The following GDF7 variants were observed in gnomAD, a reference collection of about 807,000 sequenced individuals.
The protein encoded by GDF7 is growth/differentiation factor 7.
In GDF7, 12 loss-of-function variants were observed where a neutral mutation model predicts 13.4. The ratio of observed to expected loss-of-function variants is 0.90; its 90% CI spans 0.57 to 1.45. The LOEUF is 1.45. GDF7 is among the 40% of genes most tolerant of loss of function. GDF7 has a pLI of 0.00. For synonymous variants in GDF7, 330 were observed against 306.4 expected (o/e 1.08, Z -0.80); for missense variants, 651 against 652.4 (o/e 1.00, Z 0.02).
intron 1 of GDF7, among the ~76,000 whole-genome samples, chr2:20,670,143 C>T (rs1047334101): frequency 6.6e-6 from 1 of 152,174 alleles, no homozygotes; most frequent in Non-Finnish European, 1.5e-5. Context: ...GCCTGCAGTC[C>T]TGGTCTTGGG....
rs953524501 is a variant in GDF7, at chr2:20,673,198, A to C, written c.*1773A>C. 1 of 101,544 alleles carries C rather than the reference A, an allele frequency of 9.8e-6. No individual in the cohort carries two copies. Among genetic ancestry groups the C allele is most frequent in the Non-Finnish European group, 2.1e-5 (1 of 46,940 alleles). The allele number at this position is 101,544 out of a possible 1,614,324, so 6.3% of individuals were successfully genotyped here. ...GGTTTTCATCCTGTAAAATTCTCCC[A>C]AAAGAAAAAAAAATACACGTGTAAA... is the stretch of plus-strand genomic sequence containing the variant. On this transcript the variant is annotated 3_prime_UTR_variant, in exon 2 of 2. Coordinates refer to ENST00000272224, the MANE Select transcript of GDF7 (RefSeq NM_182828.4).
Position 20,667,179 on chromosome 2 carries a change from G to T in GDF7, c.-61G>T. ...TTATTAAACACTATGTTCAAAAGGCGCCGGGGGACTTCCCGGAGCCACGGA... is the reference window on the plus strand; with the variant it reads ...TTATTAAACACTATGTTCAAAAGGCTCCGGGGGACTTCCCGGAGCCACGGA... On this transcript the variant is annotated 5_prime_UTR_variant, in exon 1 of 2. Transcript: ENST00000272224. This position sits in a 1 kb window ranked among gnomAD's most constrained non-coding sequence, Gnocchi z 6.4. The T allele has an allele frequency of 2.7e-6, 3 of 1,094,410 alleles. No individual in the cohort carries two copies. Among genetic ancestry groups the T allele is most frequent in the Non-Finnish European group, 3.3e-6 (3 of 900,154 alleles). The allele number at this position is 1,094,410 out of a possible 1,614,324, so 67.8% of individuals were successfully genotyped here.
intron 1 of GDF7, among the ~76,000 whole-genome samples, chr2:20,669,609 A>G (rs1662072469): frequency 6.6e-6 from 1 of 152,172 alleles, no homozygotes; most frequent in African/African-American, 2.4e-5. Context: ...TCATTCCGGG[A>G]TGCCCCGCAC....
At position 20,673,396 on chromosome 2, in the gene GDF7, C is replaced by A. The variant is rs1211622855; in HGVS notation, c.*1971C>A. 1 of 151,974 alleles carries A rather than the reference C, an allele frequency of 6.6e-6. No homozygotes were observed. Among genetic ancestry groups the A allele is most frequent in the Non-Finnish European group, 1.5e-5 (1 of 68,004 alleles). The allele number at this position is 151,974 out of a possible 1,614,324, so 9.4% of individuals were successfully genotyped here. A position where few individuals can be genotyped will look rare whatever the true frequency, so the allele number is the denominator to read the frequency against. ...ATTCCATCTTATTTTAGTGACTGGG[C>A]AAAGATGGTCCCTAAATTTGTGGAT... On this transcript the variant is annotated 3_prime_UTR_variant, in exon 2 of 2. Coordinates refer to ENST00000272224, the MANE Select transcript of GDF7 (RefSeq NM_182828.4).
chr2:20,677,575 T>G lies in GDF7; in HGVS notation c.*6150T>G, dbSNP rs958494161. 2.0e-5 allele frequency: 3 copies of G among 152,228 alleles called. No individual in the cohort carries two copies. Among genetic ancestry groups the G allele is most frequent in the Non-Finnish European group, 4.4e-5 (3 of 68,038 alleles). The allele number at this position is 152,228 out of a possible 1,614,324, so 9.4% of individuals were successfully genotyped here. On this transcript the variant is annotated 3_prime_UTR_variant, in exon 2 of 2. Transcript: ENST00000272224. ...CTTTGGCTGCCAGAATCTAGAACCA[T>G]GGCTGACCAAAGCGAGACTTCCGAG...
rs568479701 is a variant in GDF7 at position 20,675,537 on chromosome 2, G to A, written c.*4112G>A. 1 of 152,368 alleles carries A rather than the reference G, an allele frequency of 6.6e-6. No homozygotes were observed. Among genetic ancestry groups the A allele is most frequent in the South Asian group, 2.1e-4 (1 of 4,830 alleles). The allele number at this position is 152,368 out of a possible 1,614,324, so 9.4% of individuals were successfully genotyped here. A position where few individuals can be genotyped will look rare whatever the true frequency, so the allele number is the denominator to read the frequency against. On this transcript the variant is annotated 3_prime_UTR_variant, in exon 2 of 2. Transcript: ENST00000272224. ...CCGCTCAGGGGCCAGGGCACCACAA[G>A]GCGTCTCCTGAGAGACGTCTGAGGC...
At position 20,673,082 on chromosome 2, in the gene GDF7, A is replaced by G. The variant is rs1182806653; in HGVS notation, c.*1657A>G. The G allele has an allele frequency of 6.6e-6, 1 of 152,114 alleles. No individual in the cohort carries two copies. Among genetic ancestry groups the G allele is most frequent in the Non-Finnish European group, 1.5e-5 (1 of 68,030 alleles). The allele number at this position is 152,114 out of a possible 1,614,324, so 9.4% of individuals were successfully genotyped here. On this transcript the variant is annotated 3_prime_UTR_variant, in exon 2 of 2. Transcript: ENST00000272224. Reference sequence around the variant, plus strand: ...GTTGGATGCAGGACAATTCATACACATTTTGATTCTCAGTGATTACACTCT... The same window carrying G: ...GTTGGATGCAGGACAATTCATACACGTTTTGATTCTCAGTGATTACACTCT...
Position 20,672,107 on chromosome 2 carries a change from A to C in GDF7, c.*682A>C, listed in dbSNP as rs1308010510. 1 of 139,084 alleles carries C rather than the reference A, an allele frequency of 7.2e-6. No homozygotes were observed. Among genetic ancestry groups the C allele is most frequent in the African/African-American group, 2.8e-5 (1 of 35,884 alleles). 8.6% of individuals were successfully genotyped at this position (139,084 alleles called of 1,614,324 possible). On this transcript the variant is annotated 3_prime_UTR_variant, in exon 2 of 2. Transcript: ENST00000272224. ...GATTTCTGCAAAGGTCGGTACCGCC[A>C]CCCCCCCCCCCCCCCCCGCCTTTTT...
chr2:20,668,478 A>G (rs560905702), intron 1 of GDF7, among the ~76,000 whole-genome samples: 1 of 152,252 alleles, frequency 6.6e-6, no homozygotes, highest in Non-Finnish European at 1.5e-5. Flanking sequence ...AAATCATTAA[A>G]GCAGACAGAT....
In GDF7 at chr2:20,667,560, A is replaced by G. The variant is rs766033296; in HGVS notation, c.321A>G (p.Ala107=). The stretch of plus-strand genomic sequence containing the variant: ...TGGCCGGGAGGGCTCCGGCCGGGGC[A>G]GCCGCTGTCTCCGCCTCGGGCCATG... ...RSLAGRAPAG[A]AAVSASGHGR... Residue 107 remains alanine (A), a synonymous_variant, in exon 1 of 2, where the codon GCA becomes GCG. Transcript: ENST00000272224. The surrounding 1 kb of genome is among the most constrained non-coding windows in gnomAD (Gnocchi z 6.4). 3 of 1,496,640 alleles carry G rather than the reference A, an allele frequency of 2.0e-6. No individual in the cohort carries two copies. The highest frequency in any genetic ancestry group is 2.7e-6 in the Non-Finnish European group (3 of 1,129,962). The allele number at this position is 1,496,640 out of a possible 1,614,324, so 92.7% of individuals were successfully genotyped here. A position where few individuals can be genotyped will look rare whatever the true frequency, so the allele number is the denominator to read the frequency against.
Position 20,676,327 on chromosome 2 carries a change from A to G in GDF7, c.*4902A>G, listed in dbSNP as rs1418292057. On this transcript the variant is annotated 3_prime_UTR_variant, in exon 2 of 2. Coordinates refer to ENST00000272224, the MANE Select transcript of GDF7 (RefSeq NM_182828.4). The stretch of plus-strand genomic sequence containing the variant: ...GAAGCACCAGAAGGGAGGACCCAAA[A>G]AGATGTTTATTTCTAAGTTTTCAGA... 2 of 152,226 alleles carry G rather than the reference A, an allele frequency of 1.3e-5. No individual in the cohort carries two copies. Among genetic ancestry groups the G allele is most frequent in the Non-Finnish European group, 2.9e-5 (2 of 68,068 alleles). The allele number at this position is 152,226 out of a possible 1,614,324, so 9.4% of individuals were successfully genotyped here. A position where few individuals can be genotyped will look rare whatever the true frequency, so the allele number is the denominator to read the frequency against.
rs765066950 is a variant in GDF7, at chr2:20,672,117, C to G, written c.*692C>G. 2.2e-5 allele frequency: 3 copies of G among 134,280 alleles called. No individual in the cohort carries two copies. Among genetic ancestry groups the G allele is most frequent in the East Asian group, 2.1e-4 (1 of 4,752 alleles). The allele number at this position is 134,280 out of a possible 1,614,324, so 8.3% of individuals were successfully genotyped here. A position where few individuals can be genotyped will look rare whatever the true frequency, so the allele number is the denominator to read the frequency against. ...AAGGTCGGTACCGCCACCCCCCCCC[C>G]CCCCCCCGCCTTTTTTTTTTTTTTT... On this transcript the variant is annotated 3_prime_UTR_variant, in exon 2 of 2. Transcript: ENST00000272224.
In GDF7 at chr2:20,672,146, A is replaced by G. The variant is rs371838364; in HGVS notation, c.*721A>G. 2.6e-5 allele frequency: 2 copies of G among 76,190 alleles called. No individual in the cohort carries two copies. The highest frequency in any genetic ancestry group is 1.9e-4 in the African/African-American group (2 of 10,746). The allele number at this position is 76,190 out of a possible 1,614,324, so 4.7% of individuals were successfully genotyped here. ...CCCCGCCTTTTTTTTTTTTTTTTTTAATCAATTCCAATAGGAAATGTTATG... is the reference window on the plus strand; with the variant it reads ...CCCCGCCTTTTTTTTTTTTTTTTTTGATCAATTCCAATAGGAAATGTTATG... On this transcript the variant is annotated 3_prime_UTR_variant, in exon 2 of 2. Coordinates refer to ENST00000272224, the MANE Select transcript of GDF7 (RefSeq NM_182828.4).
chr2:20,669,879 A>G (rs775293644), intron 1 of GDF7, among the ~76,000 whole-genome samples: 3 of 152,220 alleles, frequency 2.0e-5, no homozygotes, highest in African/African-American at 4.8e-5. Flanking sequence ...TGCATGGGAG[A>G]CCGTGGCCAG....
At position 20,671,298 on chromosome 2, in the gene GDF7, C is replaced by G; in HGVS notation, c.1226C>G (p.Ala409Gly). Reference protein sequence around the residue: ...QTLLNSMAPDAAPASCCVPAR... With the variant: ...QTLLNSMAPDGAPASCCVPAR... Reference sequence around the variant, plus strand: ...CTGCTCAACTCCATGGCACCAGACGCGGCGCCGGCCTCCTGCTGTGTGCCA... The same window carrying G: ...CTGCTCAACTCCATGGCACCAGACGGGGCGCCGGCCTCCTGCTGTGTGCCA... The change falls in exon 2 of 2, where the codon GCG (alanine) becomes GGG (glycine). Residue 409 changes from alanine to glycine, a missense_variant. Physicochemically the swap from Ala to Gly is moderately conservative, Grantham distance 60 (BLOSUM62 0). Transcript: ENST00000272224. 1.2e-6 allele frequency: 2 copies of G among 1,613,768 alleles called. No individual in the cohort carries two copies. The highest frequency in any genetic ancestry group is 1.7e-6 in the Non-Finnish European group (2 of 1,179,948).
In GDF7 at chr2:20,669,424, C is replaced by CT. The variant is rs11337661; in HGVS notation, c.392-1029dup. ...ATCTGCTGCGTGGTGGAATTTTAAA[C>CT]TTTTTTTTTTTCTGAGCCCAAAAAG... On this transcript the variant is annotated intron_variant, in intron 1 of 1. Transcript: ENST00000272224. Among the ~76,000 whole-genome samples the CT allele has an allele frequency of 3.5e-4, 53 of 150,600 alleles. 2 individuals are homozygous for CT. Among genetic ancestry groups the CT allele is most frequent in the African/African-American group, 1.1e-3 (44 of 41,040 alleles).
rs1415108823 is a variant in GDF7 at position 20,673,267 on chromosome 2, A to C, written c.*1842A>C. 6.6e-6 allele frequency: 1 copy of C among 152,162 alleles called. No homozygotes were observed. The highest frequency in any genetic ancestry group is 2.4e-5 in the African/African-American group (1 of 41,444). 9.4% of individuals were successfully genotyped at this position (152,162 alleles called of 1,614,324 possible). On this transcript the variant is annotated 3_prime_UTR_variant, in exon 2 of 2. Coordinates refer to ENST00000272224, the MANE Select transcript of GDF7 (RefSeq NM_182828.4). Reference sequence around the variant, plus strand: ...TTCCCCCCTTCCTCCTATTATGTGAATTTATATTCTGTGGCTGTATGAGTA... The same window carrying C: ...TTCCCCCCTTCCTCCTATTATGTGACTTTATATTCTGTGGCTGTATGAGTA...
chr2:20,667,709 G>C lies in GDF7; in HGVS notation c.391+79G>C, dbSNP rs182358895. 2.9e-3 allele frequency: 3,308 copies of C among 1,126,318 alleles called. 9 individuals carry two copies. Among genetic ancestry groups the C allele is most frequent in the Middle Eastern group, 0.011 (32 of 3,024 alleles). The allele number at this position is 1,126,318 out of a possible 1,614,324, so 69.8% of individuals were successfully genotyped here. A position where few individuals can be genotyped will look rare whatever the true frequency, so the allele number is the denominator to read the frequency against. ...AGCCCCGGAGCCGTGCCGCAGCTCCGTTACATTTGGAGCCGCGGCCCCATG... is the reference window on the plus strand; with the variant it reads ...AGCCCCGGAGCCGTGCCGCAGCTCCCTTACATTTGGAGCCGCGGCCCCATG... On this transcript the variant is annotated intron_variant, in intron 1 of 1. Transcript: ENST00000272224. The surrounding 1 kb of genome is among the most constrained non-coding windows in gnomAD (Gnocchi z 6.4).
rs776078215 is a variant in GDF7 at position 20,673,930 on chromosome 2, C to G, written c.*2505C>G. ...CAGATTTCCTCTGGAGCAGGTGAAG[C>G]CCCCAGGGGCCACTCTGCCCAGCCC... On this transcript the variant is annotated 3_prime_UTR_variant, in exon 2 of 2. Transcript: ENST00000272224. 2 of 152,200 alleles carry G rather than the reference C, an allele frequency of 1.3e-5. No homozygotes were observed. The highest frequency in any genetic ancestry group is 4.8e-5 in the African/African-American group (2 of 41,432). The allele number at this position is 152,200 out of a possible 1,614,324, so 9.4% of individuals were successfully genotyped here.
Sources: allele counts gnomAD v4.1 joint callset (sites outside exome capture counted in the v4.1 genomes callset), GRCh38; gene constraint gnomAD v4.1.1; non-coding constraint Gnocchi (gnomAD v3.1); transcripts MANE v1.5; gene names NCBI Gene and HGNC (gene_info 2026-07-23, HGNC 2026-07-21).